The following NXPE2 variants were observed in gnomAD, a reference collection of about 807,000 sequenced individuals.
The protein encoded by NXPE2 is NXPE family member 2.
Under a neutral mutation model 34.4 loss-of-function variants are expected in NXPE2, and 34 were observed. The ratio of observed to expected loss-of-function variants is 0.99; its 90% CI spans 0.75 to 1.31. NXPE2 has a LOEUF of 1.31. Among genes scored for constraint, NXPE2 ranks in the 40% most tolerant of loss-of-function variants. The pLI, the probability that NXPE2 is intolerant of heterozygous loss-of-function variation, is 0.00. For missense variants in NXPE2, 649 were observed against 672.5 expected, an observed-to-expected ratio of 0.97 and a Z score of 0.39; for synonymous variants, 235 against 231.3, an observed-to-expected ratio of 1.02 and a Z score of -0.15.
the NXPE2 span, among the ~76,000 whole-genome samples, chr11:114,604,214 G>A: frequency 2.6e-5 from 4 of 152,158 alleles, no homozygotes; most frequent in South Asian, 2.1e-4. Flanking sequence ...TGCCTTGTGG[G>A]TAACCACTGT....
the NXPE2 span, among the ~76,000 whole-genome samples, chr11:114,766,463 T>C: frequency 6.6e-6 from 1 of 152,190 alleles, no homozygotes; most frequent in Non-Finnish European, 1.5e-5. Flanking sequence ...AGCCTCTTTC[T>C]CTAGAAATGC....
the NXPE2 span, among the ~76,000 whole-genome samples, chr11:114,638,323 T>A: frequency 6.6e-6 from 1 of 152,062 alleles, no homozygotes; most frequent in Non-Finnish European, 1.5e-5. Flanking sequence ...ATCAGCTCCT[T>A]TAAGCACTTC....
At chr11:114,487,545 C>T in the NXPE2 span, among the ~76,000 whole-genome samples, 1 of 152,220 alleles carries the variant, frequency 6.6e-6, no homozygotes, top group African/African-American at 2.4e-5. Context: ...TAGGACTTCC[C>T]ATCCTATGTT....
At chr11:114,660,708 A>T in the NXPE2 span, among the ~76,000 whole-genome samples, 3 of 152,106 alleles carry the variant, frequency 2.0e-5, no homozygotes, top group African/African-American at 7.2e-5. Flanking sequence ...AAAAATCAAT[A>T]ATGTTCAATC....
the NXPE2 span, among the ~76,000 whole-genome samples, chr11:114,616,523 G>T: frequency 1.6e-4 from 24 of 150,498 alleles, no homozygotes; most frequent in Non-Finnish European, 2.2e-4. Context: ...TGTATTGTCT[G>T]GTGGGTAACC....
chr11:114,670,914 A>C, the NXPE2 span, among the ~76,000 whole-genome samples: 1 of 151,806 alleles, frequency 6.6e-6, no homozygotes, highest in African/African-American at 2.4e-5. Flanking sequence ...AAACCAAGTC[A>C]GACAAAGACT....
chr11:114,732,897 A>G, the NXPE2 span, among the ~76,000 whole-genome samples: 25 of 152,106 alleles, frequency 1.6e-4, no homozygotes, highest in African/African-American at 5.3e-4. Context: ...TAGTAGTTGC[A>G]TAACCTACTT....
chr11:114,558,299 G>A, the NXPE2 span, among the ~76,000 whole-genome samples: 5 of 151,992 alleles, frequency 3.3e-5, no homozygotes, highest in South Asian at 1.0e-3. Context: ...CTGATGTGTA[G>A]AAATGCAAGT....
the NXPE2 span, among the ~76,000 whole-genome samples, chr11:114,535,124 A>G: frequency 6.6e-6 from 1 of 152,258 alleles, no homozygotes; most frequent in Non-Finnish European, 1.5e-5. Flanking sequence ...GGGGACCAAT[A>G]TTCAAAATTC....
At chr11:114,809,618 G>A in the NXPE2 span, among the ~76,000 whole-genome samples, 1 of 26,246 alleles carries the variant, frequency 3.8e-5, no homozygotes, top group Non-Finnish European at 1.2e-4. Context: ...AAATACCTAG[G>A]AATCCAACTT....
At chr11:114,617,794 G>A in the NXPE2 span, among the ~76,000 whole-genome samples, 26 of 149,582 alleles carry the variant, frequency 1.7e-4, no homozygotes, top group Admixed American at 1.3e-3. Context: ...GGGTAAGCAC[G>A]GTTACCCGAT....
chr11:114,602,386 C>A, the NXPE2 span, among the ~76,000 whole-genome samples: 1 of 124,652 alleles, frequency 8.0e-6, no homozygotes, highest in Non-Finnish European at 1.6e-5. Context: ...ATATATTATG[C>A]TATATATTAT....
chr11:114,541,033 G>T, the NXPE2 span, among the ~76,000 whole-genome samples: 9 of 151,858 alleles, frequency 5.9e-5, no homozygotes, highest in Middle Eastern at 3.4e-3. Flanking sequence ...GCACACCTGT[G>T]GGGTAGACCC....
chr11:114,696,416 T>C (rs956789112), intron 2 of NXPE2, among the ~76,000 whole-genome samples: 20 of 143,684 alleles, frequency 1.4e-4, no homozygotes, highest in African/African-American at 5.1e-4. Flanking sequence ...TACAAAGATA[T>C]AGGTAGGCTA....
chr11:114,496,446 TATG>T, the NXPE2 span, among the ~76,000 whole-genome samples: 1 of 152,304 alleles, frequency 6.6e-6, no homozygotes, highest in South Asian at 2.1e-4. Context: ...CTTTCCTTAA[TATG>T]ATGTTAAAAC....
chr11:114,725,025 C>T, the NXPE2 span, among the ~76,000 whole-genome samples: 21 of 151,546 alleles, frequency 1.4e-4, no homozygotes, highest in South Asian at 4.2e-4. Context: ...GGAGCAGCAG[C>T]GTTTGTGTCC....
the NXPE2 span, among the ~76,000 whole-genome samples, chr11:114,489,764 A>G: frequency 6.6e-6 from 1 of 152,230 alleles, no homozygotes; most frequent in East Asian, 1.9e-4. Context: ...CTGAATGGAC[A>G]AAAACTGGGA....
chr11:114,617,211 C>T, the NXPE2 span, among the ~76,000 whole-genome samples: 17 of 151,988 alleles, frequency 1.1e-4, no homozygotes, highest in Admixed American at 3.3e-4. Flanking sequence ...ACCACTGTTA[C>T]GCATTGGATA....
chr11:114,738,981 C>G, the NXPE2 span, among the ~76,000 whole-genome samples: 1 of 152,188 alleles, frequency 6.6e-6, no homozygotes, highest in Non-Finnish European at 1.5e-5. Context: ...CAACTTACTA[C>G]TGACACAAGA....
Sources: gnomAD v4.1 joint callset for allele counts (sites outside exome capture counted in the v4.1 genomes callset) on GRCh38, gnomAD v4.1.1 for gene constraint, MANE v1.5 for transcripts, NCBI Gene and HGNC (gene_info 2026-07-23, HGNC 2026-07-21) for gene names.